The following CFAP46 variants were observed in gnomAD, a reference collection of about 807,000 sequenced individuals.
The protein encoded by CFAP46 is cilia- and flagella-associated protein 46.
Under a neutral mutation model 325.7 loss-of-function variants are expected in CFAP46, and 245 were observed. That is an observed-to-expected ratio of 0.75 (90% CI 0.68 to 0.84). The LOEUF (loss-of-function observed/expected upper bound fraction) is 0.84, where lower values mean the gene tolerates loss of function less well. Ranked by LOEUF, CFAP46 falls within the 40% of genes least tolerant of loss-of-function variation. The pLI is 0.00. For missense variants in CFAP46, 3,346 were observed against 3,543.0 expected (o/e 0.94, Z 1.41); for synonymous variants, 1,523 against 1,495.9 (o/e 1.02, Z -0.42).
At position 132,880,867 on chromosome 10, in the gene CFAP46, G is replaced by A. The variant is rs1849031918; in HGVS notation, c.3793C>T (p.Pro1265Ser). The A allele has an allele frequency of 6.5e-7, 1 of 1,547,518 alleles. No individual in the cohort carries two copies. The highest frequency in any genetic ancestry group is 1.2e-5 in the South Asian group (1 of 84,002). ...PGDVPEPQPT[P>S]DGEYVAVEMP... ...GCCAGCGGCGTGGGCTCACCATCCG[G>A]CGTGGGCTGTGGCTCAGGGACATCG... Residue 1265 changes from proline to serine, a missense_variant, in exon 28 of 58, where the codon CCG becomes TCG. Coordinates refer to ENST00000368586, the MANE Select transcript of CFAP46 (RefSeq NM_001200049.3).
At position 132,818,071 on chromosome 10, in the gene CFAP46, G is replaced by C. The variant is rs186237464; in HGVS notation, c.7118-3157C>G. On this transcript the variant is annotated intron_variant, in intron 50 of 57. Transcript: ENST00000368586. The stretch of plus-strand genomic sequence containing the variant: ...TGGAATCGCATCTGCAAAGCCCCAG[G>C]ACCACGCGACGTCGCAGGCTCACAG... Among the ~76,000 whole-genome samples the C allele has an allele frequency of 4.0e-4, 61 of 152,310 alleles. No homozygotes were observed. In the East Asian group the frequency reaches 9.9e-3, roughly 25 times the overall value.
intron 34 of CFAP46, 64 bp downstream of exon 34, chr10:132,867,311 A>G (rs1314790059): frequency 2.0e-6 from 3 of 1,521,968 alleles, no homozygotes; most frequent in Non-Finnish European, 2.6e-6. Flanking sequence ...GCAGCCCTGC[A>G]TGGCCACGAG....
intron 41 of CFAP46, among the ~76,000 whole-genome samples, chr10:132,848,567 G>T (rs1848480788): frequency 6.6e-6 from 1 of 152,080 alleles, no homozygotes; most frequent in African/African-American, 2.4e-5. Flanking sequence ...GGGGGTGGGG[G>T]CTTATCCAAA....
chr10:132,898,870 G>C (rs1806437924), intron 24 of CFAP46, 89 bp downstream of exon 24: 4 of 1,487,972 alleles, frequency 2.7e-6, no homozygotes, highest in Admixed American at 3.9e-5. Flanking sequence ...TGTGGGGTCT[G>C]TCTTTCTTTG....
chr10:132,913,248 C>T lies in CFAP46; in HGVS notation c.2131G>A (p.Glu711Lys), dbSNP rs943095797. 64 of 1,550,108 alleles carry T rather than the reference C, an allele frequency of 4.1e-5. No homozygotes were observed. The highest frequency in any genetic ancestry group is 2.0e-4 in the Admixed American group (10 of 50,972). The change falls in exon 18 of 58, where the codon GAG becomes AAG. Residue 711 changes from glutamate to lysine, a missense_variant. By Grantham distance (56) the Glu-to-Lys change is moderately conservative (BLOSUM62 1). Transcript: ENST00000368586. ...AEWITYRTWI[E>K]SLSRCAMNNW... ...TTCATGGCACACCGGGACAGACTCTCGATCCAGGTTCTGCAAAACGAGCAC... is the reference window on the plus strand; with the variant it reads ...TTCATGGCACACCGGGACAGACTCTTGATCCAGGTTCTGCAAAACGAGCAC...
chr10:132,853,054 TGCCGGATTCCATAG>T (rs1276916627), intron 39 of CFAP46, among the ~76,000 whole-genome samples: 1 of 151,068 alleles, frequency 6.6e-6, no homozygotes, highest in Non-Finnish European at 1.5e-5. Context: ...CCTTTTTTCC[TGCCGGATTCCATAG>T]GCCGGAACTC....
intron 3 of CFAP46, 30 bp from the exon 4 acceptor site, chr10:132,941,090 C>A: frequency 1.2e-6 from 2 of 1,611,438 alleles, no homozygotes; most frequent in Non-Finnish European, 1.7e-6. Context: ...CACAATTAGA[C>A]CGAAATACTG....
At chr10:132,899,344 G>A (rs555770218) in intron 23 of CFAP46, among the ~76,000 whole-genome samples, 191 bp downstream of exon 23, 25 of 152,306 alleles carry the variant, frequency 1.6e-4, no homozygotes, top group Admixed American at 9.8e-4. Context: ...AGCCCAGGTG[G>A]GTACAAGGGC....
At chr10:132,894,379 A>G (rs1849294003) in intron 24 of CFAP46, among the ~76,000 whole-genome samples, 1 of 152,208 alleles carries the variant, frequency 6.6e-6, no homozygotes. Flanking sequence ...GGAGTTCACC[A>G]CTGTAAATGC....
intron 33 of CFAP46, among the ~76,000 whole-genome samples, chr10:132,867,880 G>A (rs1415579671): frequency 3.3e-5 from 5 of 152,168 alleles, no homozygotes; most frequent in South Asian, 2.1e-4. Context: ...CTCCCCGCTC[G>A]GCCTTCCCAC....
At position 132,916,755 on chromosome 10, in the gene CFAP46, G is replaced by A. The variant is rs144673933; in HGVS notation, c.1987-73C>T. 3.5e-4 allele frequency: 484 copies of A among 1,399,500 alleles called. 1 individual carries two copies. The highest frequency in any genetic ancestry group is 1.8e-3 in the African/African-American group (119 of 66,708). The allele number at this position is 1,399,500 out of a possible 1,614,324, so 86.7% of individuals were successfully genotyped here. A position where few individuals can be genotyped will look rare whatever the true frequency, so the allele number is the denominator to read the frequency against. On this transcript the variant is annotated intron_variant, in intron 16 of 57. Transcript: ENST00000368586. The stretch of plus-strand genomic sequence containing the variant: ...CCAGCACCAGATAGGAAACACACAC[G>A]CCCTTCCCTCAGCTCTGATTTGAAA...
rs1231076344 is a variant in CFAP46 at position 132,942,036 on chromosome 10, G to A, written c.118C>T (p.Pro40Ser). 2.6e-5 allele frequency: 40 copies of A among 1,551,712 alleles called. No individual in the cohort carries two copies. Among genetic ancestry groups the A allele is most frequent in the Non-Finnish European group, 3.4e-5 (39 of 1,147,040 alleles). ...AGGTCTGGGCTGAAGCTCTCTGAGG[G>A]GTCAAACTCCGATTTCCCTAGGTTG... ...SANLGKSEFD[P>S]SESFSPDLFV... is the part of the protein sequence containing the mutation. Residue 40 changes from proline to serine, a missense_variant, in exon 2 of 58, where the codon CCC (proline) becomes TCC (serine). Physicochemically the swap from Pro to Ser is moderately conservative, Grantham distance 74. Coordinates refer to ENST00000368586, the MANE Select transcript of CFAP46 (RefSeq NM_001200049.3).
At chr10:132,850,822 A>G (rs1226385541) in intron 40 of CFAP46, among the ~76,000 whole-genome samples, 1 of 152,168 alleles carries the variant, frequency 6.6e-6, no homozygotes, top group African/African-American at 2.4e-5. Flanking sequence ...TCTTTAATCC[A>G]CATATGCATT....
intron 39 of CFAP46, among the ~76,000 whole-genome samples, chr10:132,851,961 C>A (rs1848557075): frequency 6.6e-6 from 1 of 151,308 alleles, no homozygotes; most frequent in Non-Finnish European, 1.5e-5. Flanking sequence ...TATGTTCCTC[C>A]ATTTACTTAG....
chr10:132,890,249 C>T (rs746853701), intron 25 of CFAP46, among the ~76,000 whole-genome samples: 14 of 152,168 alleles, frequency 9.2e-5, no homozygotes, highest in Non-Finnish European at 7.3e-5. Context: ...GCCCGAGCCA[C>T]GTACTGAAGG....
chr10:132,810,752 C>T (rs1847564161), intron 56 of CFAP46, 198 bp downstream of exon 56: 7 of 730,532 alleles, frequency 9.6e-6, no homozygotes, highest in Non-Finnish European at 1.5e-5. Flanking sequence ...TGGGCTGGTG[C>T]CAGGGGCCCG....
chr10:132,882,025 TGTGTGGTGTGTGTGGGATGTGGGGG>T (rs1347334458), intron 27 of CFAP46, among the ~76,000 whole-genome samples: 42 of 147,410 alleles, frequency 2.8e-4, no homozygotes, highest in South Asian at 1.1e-3. Context: ...ATGTAAGGGG[TGTGTGGTGTGTGTGGGATGTGGGGG>T]GTGTGTGGTG....
rs146726540 is a variant in CFAP46, at chr10:132,884,236, G to C, written c.3627+867C>G. Reference sequence around the variant, plus strand: ...ACGACGTGGCCTCTGGTTCCCCGGAGCGAGGAGCAGTGGCTCCCTGTGGCT... The same window carrying C: ...ACGACGTGGCCTCTGGTTCCCCGGACCGAGGAGCAGTGGCTCCCTGTGGCT... On this transcript the variant is annotated intron_variant, in intron 27 of 57. Transcript: ENST00000368586. The surrounding 1 kb of genome is among the most constrained non-coding windows in gnomAD (Gnocchi z 5.4). Among the ~76,000 whole-genome samples the C allele has an allele frequency of 1.5e-3, 222 of 152,282 alleles. 6 individuals carry two copies. In the East Asian group the frequency reaches 0.041, roughly 28 times the overall value.
chr10:132,816,168 CG>C (rs1847689051), intron 50 of CFAP46, among the ~76,000 whole-genome samples: 2 of 151,678 alleles, frequency 1.3e-5, no homozygotes, highest in African/African-American at 4.8e-5. Flanking sequence ...CGGGGACTTC[CG>C]GGTTCTCCTG....
Sources: gnomAD v4.1 joint callset for allele counts (sites outside exome capture counted in the v4.1 genomes callset) on GRCh38, gnomAD v4.1.1 for gene constraint, Gnocchi (gnomAD v3.1) non-coding constraint, MANE v1.5 for transcripts, NCBI Gene and HGNC (gene_info 2026-07-23, HGNC 2026-07-21) for gene names.